The following AP1M2 variants were observed in gnomAD, a reference collection of about 807,000 sequenced individuals.
AP1M2 encodes the protein AP-1 complex subunit mu-2.
In AP1M2, 41 loss-of-function variants were observed where a neutral mutation model predicts 54.6. The observed-to-expected ratio is 0.75, with a 90% CI of 0.59 to 0.97. The LOEUF (loss-of-function observed/expected upper bound fraction) is 0.97, where lower values mean the gene tolerates loss of function less well. Ranked by LOEUF, AP1M2 falls within the 50% of genes least tolerant of loss-of-function variation. The pLI, the probability that AP1M2 is intolerant of heterozygous loss-of-function variation, is 0.00. For missense variants in AP1M2, 507 were observed against 561.2 expected (o/e 0.90, Z 0.98); for synonymous variants, 219 against 215.9 (o/e 1.01, Z -0.13).
intron 1 of AP1M2, among the ~76,000 whole-genome samples, chr19:10,585,343 G>GAA: frequency 6.7e-6 from 1 of 149,210 alleles, no homozygotes; most frequent in South Asian, 2.1e-4. Flanking sequence ...AAGAAAGAAA[G>GAA]AAAGAAAGAA....
chr19:10,573,562 T>C (rs933935770), intron 11 of AP1M2, among the ~76,000 whole-genome samples: 5 of 151,818 alleles, frequency 3.3e-5, no homozygotes, highest in African/African-American at 1.2e-4. Flanking sequence ...AACAAGGCAG[T>C]TTCCAGGCAG....
chr19:10,577,422 C>CTT, intron 8 of AP1M2, 66 bp from the exon 9 acceptor site: 9 of 478,882 alleles, frequency 1.9e-5, no homozygotes, highest in South Asian at 5.5e-5. Flanking sequence ...TTTACCAAGC[C>CTT]CTTTTTTTTT....
At chr19:10,576,096 T>G (rs1917224180) in intron 9 of AP1M2, among the ~76,000 whole-genome samples, 1 of 147,618 alleles carries the variant, frequency 6.8e-6, no homozygotes, top group South Asian at 2.1e-4. Flanking sequence ...TTTCTAAGTT[T>G]TTTTTTTTTT....
chr19:10,577,423 C>CTTTTTTTTTTTTTTTTT lies in AP1M2; in HGVS notation c.889-84_889-68dup, dbSNP rs386388547. 6 of 316,680 alleles carry CTTTTTTTTTTTTTTTTT rather than the reference C, an allele frequency of 1.9e-5. 1 individual carries two copies. The African/African-American group carries it at 2.3e-4, about 12-fold the overall frequency. 19.6% of individuals were successfully genotyped at this position (316,680 alleles called of 1,614,324 possible). On this transcript the variant is annotated intron_variant, in intron 8 of 11. Transcript: ENST00000250244. The stretch of plus-strand genomic sequence containing the variant: ...TCATCCTTCAAATATTTACCAAGCC[C>CTTTTTTTTTTTTTTTTT]TTTTTTTTTTTTTTTTTTTTTTTTT...
chr19:10,581,468 G>A lies in AP1M2; in HGVS notation c.546+19C>T. 1 of 1,612,772 alleles carries A rather than the reference G, an allele frequency of 6.2e-7. No homozygotes were observed. The highest frequency in any genetic ancestry group is 1.1e-5 in the South Asian group (1 of 91,050). ...CAGCCAGGCCGTGGAAGGGGTGCCGGGGAGGTGTGCAGGCTCACCAGCAGG... is the reference window on the plus strand; with the variant it reads ...CAGCCAGGCCGTGGAAGGGGTGCCGAGGAGGTGTGCAGGCTCACCAGCAGG... On this transcript the variant is annotated intron_variant, in intron 5 of 11. Transcript: ENST00000250244.
Position 10,579,727 on chromosome 19 carries a change from G to T in AP1M2, c.805C>A (p.Leu269Ile). 6.2e-7 allele frequency: 1 copy of T among 1,613,340 alleles called. No homozygotes were observed. ...GGACCCTGCCTCACCTGGGTGCTGAGGCGGTATGACATGAGCTCAAAGTCA... is the reference window on the plus strand; with the variant it reads ...GGACCCTGCCTCACCTGGGTGCTGATGCGGTATGACATGAGCTCAAAGTCA... ...DGDFELMSYR[L>I]STQVKPLIWI... Residue 269 changes from leucine (L) to isoleucine (I), a missense_variant, in exon 7 of 12, where the codon CTC (leucine) becomes ATC (isoleucine). Physicochemically the swap from Leu to Ile is conservative, Grantham distance 5. Coordinates refer to ENST00000250244, the MANE Select transcript of AP1M2 (RefSeq NM_005498.5).
intron 2 of AP1M2, 74 bp from the exon 3 acceptor site, chr19:10,583,747 C>G (rs1268916977): frequency 6.6e-7 from 1 of 1,521,780 alleles, no homozygotes; most frequent in African/African-American, 1.4e-5. Context: ...AACCTCCACC[C>G]TGTCCCTTGC....
intron 7 of AP1M2, 40 bp from the exon 8 acceptor site, chr19:10,579,003 G>T: frequency 3.9e-5 from 43 of 1,113,040 alleles, no homozygotes; most frequent in Non-Finnish European, 5.2e-5. Context: ...GAGACTCCAT[G>T]TTGACTCTCT....
At position 10,572,857 on chromosome 19, in the gene AP1M2, T is replaced by G; in HGVS notation, c.*209A>C. ...ATAAAATCAGGGGGATGGGGAAAGC[T>G]CCAAGGGCGAGGGAAGCAGAGAGAG... On this transcript the variant is annotated 3_prime_UTR_variant, in exon 12 of 12. Transcript: ENST00000250244. 1.9e-6 allele frequency: 1 copy of G among 520,092 alleles called. No individual in the cohort carries two copies. Among genetic ancestry groups the G allele is most frequent in the South Asian group, 2.6e-5 (1 of 37,856 alleles). 32.2% of individuals were successfully genotyped at this position (520,092 alleles called of 1,614,324 possible). A position where few individuals can be genotyped will look rare whatever the true frequency, so the allele number is the denominator to read the frequency against.
At chr19:10,576,147 G>A (rs1277412964) in intron 9 of AP1M2, among the ~76,000 whole-genome samples, 47 of 138,830 alleles carry the variant, frequency 3.4e-4, no homozygotes, top group African/African-American at 1.2e-3. Context: ...GCTGGAGTGC[G>A]GTGGCGTGAT....
intron 6 of AP1M2, among the ~76,000 whole-genome samples, chr19:10,580,575 A>T (rs1178990460): frequency 6.6e-6 from 1 of 152,186 alleles, no homozygotes; most frequent in Non-Finnish European, 1.5e-5. Context: ...AGGCAGGAGA[A>T]TAGCTTGAAC....
At chr19:10,573,660 CTTTTT>C (rs35697396) in intron 11 of AP1M2, among the ~76,000 whole-genome samples, 3 of 109,466 alleles carry the variant, frequency 2.7e-5, no homozygotes, top group Non-Finnish European at 5.3e-5. Flanking sequence ...CTTTTTTTTC[CTTTTT>C]TTTTTTTTTT....
chr19:10,575,271 G>C (rs1399590623), intron 9 of AP1M2, among the ~76,000 whole-genome samples: 1 of 152,190 alleles, frequency 6.6e-6, no homozygotes, highest in Non-Finnish European at 1.5e-5. Flanking sequence ...AAGATCCCTT[G>C]AGTCTGGGAG....
At chr19:10,580,735 G>A (rs1298741510) in intron 6 of AP1M2, among the ~76,000 whole-genome samples, 1 of 151,988 alleles carries the variant, frequency 6.6e-6, no homozygotes, top group African/African-American at 2.4e-5. Context: ...CTAGCACTTT[G>A]GGAGGATTGC....
rs765319398 is a variant in AP1M2 at position 10,581,547 on chromosome 19, C to T, written c.486G>A (p.Glu162=). 4 of 1,613,828 alleles carry T rather than the reference C, an allele frequency of 2.5e-6. No homozygotes were observed. The highest frequency in any genetic ancestry group is 1.3e-5 in the African/African-American group (1 of 75,034). The change falls in exon 5 of 12, where the codon GAG becomes GAA. Residue 162 remains glutamate (E), a synonymous_variant. Coordinates refer to ENST00000250244, the MANE Select transcript of AP1M2 (RefSeq NM_005498.5). ...TVTNAVSWRS[E]GIKYKKNEVF... is the part of the protein sequence containing the mutation. ...CCTCGTTCTTCTTATACTTGATACC[C>T]TCGGAGCGCCAGGACACAGCGTTGG...
In AP1M2 at chr19:10,577,180, C is replaced by T. The variant is rs1256735243; in HGVS notation, c.1047+18G>A. 1.2e-6 allele frequency: 2 copies of T among 1,603,128 alleles called. No homozygotes were observed. Among genetic ancestry groups the T allele is most frequent in the Non-Finnish European group, 8.5e-7 (1 of 1,175,060 alleles). On this transcript the variant is annotated intron_variant, in intron 9 of 11. Coordinates refer to ENST00000250244, the MANE Select transcript of AP1M2 (RefSeq NM_005498.5). ...GTCCCCTCCACCCCCAGATCCCCCG[C>T]CAGTCCCTGGTACTTACCGGGAAAG...
Position 10,577,371 on chromosome 19 carries a change from A to C in AP1M2, c.889-15T>G, listed in dbSNP as rs1436603130. The C allele has an allele frequency of 4.0e-6, 6 of 1,481,970 alleles. No homozygotes were observed. The highest frequency in any genetic ancestry group is 5.5e-6 in the Non-Finnish European group (6 of 1,095,460). 91.8% of individuals were successfully genotyped at this position (1,481,970 alleles called of 1,614,324 possible). Reference sequence around the variant, plus strand: ...TGCCCCTTGGCCTGTCAGGGGAGCGAGCATGGGGCACGAAGAATTCGCTTG... The same window carrying C: ...TGCCCCTTGGCCTGTCAGGGGAGCGCGCATGGGGCACGAAGAATTCGCTTG... On this transcript the variant is annotated splice_polypyrimidine_tract_variant and intron_variant, in intron 8 of 11. Coordinates refer to ENST00000250244, the MANE Select transcript of AP1M2 (RefSeq NM_005498.5).
rs554803458 is a variant in AP1M2, at chr19:10,585,584, C to T, written c.43-1514G>A. ...TGCTGGCGCATGACCGTAATCCCAG[C>T]TACTCAGGAGGCTAAGGCATGAGAA... On this transcript the variant is annotated intron_variant, in intron 1 of 11. Coordinates refer to ENST00000250244, the MANE Select transcript of AP1M2 (RefSeq NM_005498.5). Among the ~76,000 whole-genome samples, 3 of 152,026 alleles carry T rather than the reference C, an allele frequency of 2.0e-5. No homozygotes were observed. In the South Asian group the frequency reaches 6.2e-4, roughly 32 times the overall value.
intron 3 of AP1M2, among the ~76,000 whole-genome samples, chr19:10,582,564 A>G (rs1170673226): frequency 6.6e-6 from 1 of 151,864 alleles, no homozygotes; most frequent in Admixed American, 6.6e-5. Flanking sequence ...GCTGGCCAAC[A>G]TGGCAAAACC....
Sources: gnomAD v4.1 joint callset for allele counts (sites outside exome capture counted in the v4.1 genomes callset) on GRCh38, gnomAD v4.1.1 for gene constraint, MANE v1.5 for transcripts, NCBI Gene and HGNC (gene_info 2026-07-23, HGNC 2026-07-21) for gene names.